CADPS2: variants seen among roughly 807,000 people sequenced by gnomAD.
The protein encoded by CADPS2 is calcium dependent secretion activator 2.
CADPS2 carries 93 observed loss-of-function variants against 172.5 expected under a neutral mutation model. The ratio of observed to expected loss-of-function variants is 0.54; its 90% CI spans 0.46 to 0.64. The LOEUF is 0.64. Ranked by LOEUF, CADPS2 falls within the 30% of genes least tolerant of loss-of-function variation. The pLI, the probability that CADPS2 is intolerant of heterozygous loss-of-function variation, is 0.00. For synonymous variants in CADPS2, 546 were observed against 555.2 expected (o/e 0.98, Z 0.23); for missense variants, 1,420 against 1,565.9 (o/e 0.91, Z 1.57).
At chr7:122,358,604 T>C (rs1428543429) in intron 27 of CADPS2, among the ~76,000 whole-genome samples, 3 of 152,136 alleles carry the variant, frequency 2.0e-5, no homozygotes, top group Admixed American at 6.5e-5. Flanking sequence ...TGGGTCTAGG[T>C]CTGTTTTCAG....
chr7:122,615,849 G>T (rs898305641), intron 5 of CADPS2, among the ~76,000 whole-genome samples: 4 of 151,870 alleles, frequency 2.6e-5, no homozygotes, highest in African/African-American at 9.7e-5. Context: ...TTATTAAATA[G>T]AAAATTATAA....
intron 1 of CADPS2, among the ~76,000 whole-genome samples, chr7:122,771,306 C>T (rs37904): frequency 0.44 from 66,251 of 152,018 alleles, 16,932 homozygotes; most frequent in African/African-American, 0.72. Context: ...GAGAACACTC[C>T]GGTAGCAATG....
intron 2 of CADPS2, among the ~76,000 whole-genome samples, chr7:122,684,252 T>C (rs2083386688): frequency 6.6e-6 from 1 of 152,164 alleles, no homozygotes; most frequent in African/African-American, 2.4e-5. Flanking sequence ...AATCACAGTT[T>C]CTGAGAATCT....
chr7:122,842,941 G>A lies in CADPS2; in HGVS notation c.339+43058C>T, dbSNP rs112162142. On this transcript the variant is annotated intron_variant, in intron 1 of 29. Coordinates refer to ENST00000449022, the MANE Select transcript of CADPS2 (RefSeq NM_017954.11). ...TAGGGAGCCTTCAAAGCCTTTCAGT[G>A]ACCACAATACTAGGAAAATGTTTTT... 3.0e-3 allele frequency among the ~76,000 whole-genome samples: 458 copies of A among 152,242 alleles called. 2 individuals are homozygous for A. Among genetic ancestry groups the A allele is most frequent in the African/African-American group, 0.01 (422 of 41,550 alleles).
intron 1 of CADPS2, among the ~76,000 whole-genome samples, chr7:122,838,943 G>T (rs1476467077): frequency 6.6e-6 from 1 of 152,070 alleles, no homozygotes; most frequent in Non-Finnish European, 1.5e-5. Flanking sequence ...AAGTTCATAT[G>T]GAACCAAAAA....
chr7:122,366,107 T>C (rs1259008688), intron 25 of CADPS2, among the ~76,000 whole-genome samples: 14 of 151,528 alleles, frequency 9.2e-5, no homozygotes, highest in Non-Finnish European at 1.5e-4. Flanking sequence ...TTTGTTTTTT[T>C]TTTTGTTAAG....
chr7:122,592,297 C>T (rs2070953655), intron 6 of CADPS2, among the ~76,000 whole-genome samples: 2 of 152,126 alleles, frequency 1.3e-5, no homozygotes, highest in Admixed American at 6.5e-5. Flanking sequence ...GATACCATCT[C>T]ACACCAGTTA....
In CADPS2 at chr7:122,687,914, TAC is replaced by T. The variant is rs987970148; in HGVS notation, c.454-24347_454-24346del. ...TGTATCAAGCCTTTTGTTAATTTTT[TAC>T]ATTTATCTCATTTAATTAGTCTAAG... On this transcript the variant is annotated intron_variant, in intron 2 of 29. Coordinates refer to ENST00000449022, the MANE Select transcript of CADPS2 (RefSeq NM_017954.11). Among the ~76,000 whole-genome samples the T allele has an allele frequency of 3.3e-5, 5 of 152,380 alleles. No individual in the cohort carries two copies. In the East Asian group the frequency reaches 7.7e-4, roughly 23 times the overall value.
intron 6 of CADPS2, among the ~76,000 whole-genome samples, chr7:122,584,815 C>A (rs993487710): frequency 4.6e-5 from 7 of 151,818 alleles, no homozygotes; most frequent in Non-Finnish European, 7.4e-5. Context: ...TTTCCTTTTT[C>A]TTATTAAGTT....
intron 2 of CADPS2, among the ~76,000 whole-genome samples, chr7:122,669,202 ATGCCTG>A (rs2081503159): frequency 6.6e-6 from 1 of 152,046 alleles, no homozygotes. Flanking sequence ...GTAGTGGCAC[ATGCCTG>A]TGCTCCTAGC....
chr7:122,387,190 G>A lies in CADPS2; in HGVS notation c.3165-17C>T, dbSNP rs768653068. The A allele has an allele frequency of 6.4e-7, 1 of 1,565,346 alleles. No homozygotes were observed. Among genetic ancestry groups the A allele is most frequent in the South Asian group, 1.2e-5 (1 of 85,458 alleles). On this transcript the variant is annotated splice_polypyrimidine_tract_variant and intron_variant, in intron 23 of 29. Coordinates refer to ENST00000449022, the MANE Select transcript of CADPS2 (RefSeq NM_017954.11). The stretch of plus-strand genomic sequence containing the variant: ...GTTCTTGTTCTAGTTTTTAAAACAT[G>A]AATTCAGAGTAAGAAATTCTGCTAT...
At chr7:122,680,186 T>A (rs2082872745) in intron 2 of CADPS2, among the ~76,000 whole-genome samples, 1 of 152,240 alleles carries the variant, frequency 6.6e-6, no homozygotes, top group African/African-American at 2.4e-5. Context: ...AATCCATGAA[T>A]TCCAAAGATT....
At chr7:122,379,533 C>CT (rs1420906117) in intron 24 of CADPS2, 91 bp from the exon 25 acceptor site, 1 of 756,970 alleles carries the variant, frequency 1.3e-6, no homozygotes, top group Non-Finnish European at 2.3e-6. Context: ...TAGTTATGAC[C>CT]TATCAGATTT....
chr7:122,745,378 T>C (rs2092678988), intron 1 of CADPS2, among the ~76,000 whole-genome samples: 1 of 151,878 alleles, frequency 6.6e-6, no homozygotes, highest in South Asian at 2.1e-4. Flanking sequence ...ACCTCGCATC[T>C]AGTAAGAGAC....
chr7:122,780,801 T>C lies in CADPS2; in HGVS notation c.340-43733A>G, dbSNP rs960837710. ...AGCCGTTCTTTTAAGGGCTGTATAA[T>C]AGTATATGGTATGTGGCTGCACCAC... On this transcript the variant is annotated intron_variant, in intron 1 of 29. Transcript: ENST00000449022. 3.3e-5 allele frequency among the ~76,000 whole-genome samples: 5 copies of C among 152,188 alleles called. No homozygotes were observed. In the East Asian group the frequency reaches 9.6e-4, roughly 29 times the overall value.
chr7:122,775,172 T>C (rs1322502462), intron 1 of CADPS2, among the ~76,000 whole-genome samples: 1 of 152,214 alleles, frequency 6.6e-6, no homozygotes, highest in Non-Finnish European at 1.5e-5. Flanking sequence ...ATTAAAAACA[T>C]TTAACAAACA....
At chr7:122,650,502 T>A (rs2079041336) in intron 3 of CADPS2, among the ~76,000 whole-genome samples, 1 of 152,096 alleles carries the variant, frequency 6.6e-6, no homozygotes, top group African/African-American at 2.4e-5. Flanking sequence ...CTTTCTAATT[T>A]CCATGGAGCA....
chr7:122,833,386 TGTTGCCCG>T (rs1267482560), intron 1 of CADPS2, among the ~76,000 whole-genome samples: 3 of 152,204 alleles, frequency 2.0e-5, no homozygotes, highest in Non-Finnish European at 4.4e-5. Flanking sequence ...AGTCTCGCTC[TGTTGCCCG>T]GGCTGGAGTA....
At chr7:122,538,589 T>G (rs577612144) in intron 8 of CADPS2, among the ~76,000 whole-genome samples, 1 of 152,090 alleles carries the variant, frequency 6.6e-6, no homozygotes, top group African/African-American at 2.4e-5. Context: ...TATTGATAGT[T>G]CAAGGAGAAA....
Sources: allele counts gnomAD v4.1 joint callset (sites outside exome capture counted in the v4.1 genomes callset), GRCh38; gene constraint gnomAD v4.1.1; transcripts MANE v1.5; gene names NCBI Gene and HGNC (gene_info 2026-07-23, HGNC 2026-07-21).